Variants in SAMD3 observed in about 807,000 individuals in gnomAD.
SAMD3 encodes the protein sterile alpha motif domain-containing protein 3.
SAMD3 carries 63 observed loss-of-function variants against 58.5 expected under a neutral mutation model. The ratio of observed to expected loss-of-function variants is 1.08; its 90% CI spans 0.88 to 1.33. The LOEUF (loss-of-function observed/expected upper bound fraction) is 1.33. Ranked by LOEUF, SAMD3 falls within the 40% of genes most tolerant of loss-of-function variation. The pLI is 0.00. For synonymous variants in SAMD3, 220 were observed against 210.3 expected (o/e 1.05, Z -0.40); for missense variants, 604 against 608.4 (o/e 0.99, Z 0.08).
intron 8 of SAMD3, among the ~76,000 whole-genome samples, chr6:130,172,913 C>T (rs1791377253): frequency 6.6e-6 from 1 of 152,132 alleles, no homozygotes; most frequent in Admixed American, 6.5e-5. Context: ...CATTTTCATT[C>T]TTTTTTCTCT....
intron 2 of SAMD3, among the ~76,000 whole-genome samples, chr6:130,261,813 G>A (rs1037689784): frequency 1.3e-5 from 2 of 152,126 alleles, no homozygotes; most frequent in Admixed American, 6.5e-5. Flanking sequence ...TTGTTTCAAA[G>A]GTATGGCACA....
chr6:130,253,435 T>C (rs1216200280), intron 2 of SAMD3, among the ~76,000 whole-genome samples: 2 of 152,212 alleles, frequency 1.3e-5, no homozygotes, highest in Non-Finnish European at 1.5e-5. Context: ...TATGATAATA[T>C]CTTTAATTCT....
intron 9 of SAMD3, among the ~76,000 whole-genome samples, chr6:130,150,969 C>A (rs1789114223): frequency 6.6e-6 from 1 of 152,180 alleles, no homozygotes; most frequent in African/African-American, 2.4e-5. Context: ...GCCTCAGCCT[C>A]CCAAAGTGTT....
chr6:130,193,206 C>A (rs1255532477), intron 5 of SAMD3, among the ~76,000 whole-genome samples: 1 of 149,074 alleles, frequency 6.7e-6, no homozygotes, highest in Non-Finnish European at 1.5e-5. Flanking sequence ...TACCCCAACC[C>A]CTTCTCTCCA....
chr6:130,177,678 G>A (rs960266555), intron 7 of SAMD3, among the ~76,000 whole-genome samples: 5 of 152,028 alleles, frequency 3.3e-5, no homozygotes, highest in Non-Finnish European at 7.4e-5. Context: ...GTGATACTTT[G>A]TCTGTTTCTA....
chr6:130,324,786 G>T (rs374863511), intron 1 of SAMD3, among the ~76,000 whole-genome samples: 2,781 of 131,500 alleles, frequency 0.021, 23 homozygotes, highest in Non-Finnish European at 0.029. Context: ...TTTTTTTTTT[G>T]GAATAGAAAA....
chr6:130,228,720 A>G (rs1796456098), intron 2 of SAMD3, among the ~76,000 whole-genome samples: 1 of 152,198 alleles, frequency 6.6e-6, no homozygotes, highest in Non-Finnish European at 1.5e-5. Flanking sequence ...CTTCAACTGC[A>G]TGCAATGGAC....
chr6:130,232,047 A>G (rs1796563208), intron 2 of SAMD3, among the ~76,000 whole-genome samples: 1 of 152,150 alleles, frequency 6.6e-6, no homozygotes, highest in Non-Finnish European at 1.5e-5. Context: ...AAATGGCCAC[A>G]TGTGGCTACT....
chr6:130,167,105 C>A (rs1357701962), intron 8 of SAMD3, among the ~76,000 whole-genome samples: 2 of 151,944 alleles, frequency 1.3e-5, no homozygotes, highest in Admixed American at 1.3e-4. Flanking sequence ...CAAGAGTACT[C>A]TATAATGGTT....
At chr6:130,192,152 A>T (rs1793606928) in intron 5 of SAMD3, among the ~76,000 whole-genome samples, 2 of 152,172 alleles carry the variant, frequency 1.3e-5, no homozygotes, top group South Asian at 4.1e-4. Context: ...TGATTTTCCT[A>T]CGTCCTTGTT....
chr6:130,220,443 A>T (rs1005026249), intron 1 of SAMD3, among the ~76,000 whole-genome samples: 1 of 152,184 alleles, frequency 6.6e-6, no homozygotes, highest in Non-Finnish European at 1.5e-5. Flanking sequence ...CTTTGAGTCA[A>T]ACTTATGGTT....
chr6:130,255,647 C>T (rs1217350057), intron 2 of SAMD3, among the ~76,000 whole-genome samples: 1 of 151,926 alleles, frequency 6.6e-6, no homozygotes, highest in African/African-American at 2.4e-5. Context: ...ATTACATATT[C>T]TATTTTTTTA....
At chr6:130,350,122 A>T (rs955257795) in intron 1 of SAMD3, among the ~76,000 whole-genome samples, 1 of 152,212 alleles carries the variant, frequency 6.6e-6, no homozygotes, top group African/African-American at 2.4e-5. Context: ...ATCATACTGA[A>T]TGGACAAAAA....
intron 5 of SAMD3, among the ~76,000 whole-genome samples, chr6:130,208,514 G>A (rs140564491): frequency 1.4e-3 from 210 of 152,134 alleles, no homozygotes; most frequent in African/African-American, 4.9e-3. Context: ...CCTGAGCTCC[G>A]CCTCCTGAGA....
chr6:130,188,555 T>C (rs1012066599), intron 5 of SAMD3, among the ~76,000 whole-genome samples: 3 of 152,176 alleles, frequency 2.0e-5, no homozygotes, highest in Non-Finnish European at 4.4e-5. Context: ...GGCTCCCCAT[T>C]TATGCTCCAG....
At chr6:130,226,652 C>A (rs1796389279), upstream of SAMD3, among the ~76,000 whole-genome samples, 1 of 152,100 alleles carries the variant, frequency 6.6e-6, no homozygotes, top group Admixed American at 6.6e-5. Flanking sequence ...CATGGTGAAA[C>A]CCCGTCTCTA....
At chr6:130,283,496 A>G (rs982451771) in intron 2 of SAMD3, among the ~76,000 whole-genome samples, 1 of 152,258 alleles carries the variant, frequency 6.6e-6, no homozygotes, top group Non-Finnish European at 1.5e-5. Flanking sequence ...CTAGAAGGCA[A>G]TCAGCGAGAA....
At chr6:130,302,704 A>T (rs1201027240) in intron 2 of SAMD3, among the ~76,000 whole-genome samples, 1 of 152,222 alleles carries the variant, frequency 6.6e-6, no homozygotes, top group Non-Finnish European at 1.5e-5. Context: ...TGGGTTCGAC[A>T]AGGAAAATGT....
chr6:130,252,451 G>A (rs1250979109), intron 2 of SAMD3, among the ~76,000 whole-genome samples: 3 of 151,724 alleles, frequency 2.0e-5, no homozygotes, highest in Non-Finnish European at 4.4e-5. Context: ...CAAAACTTTA[G>A]TTTAATTACA....
Sources: allele counts gnomAD v4.1 joint callset (sites outside exome capture counted in the v4.1 genomes callset), GRCh38; gene constraint gnomAD v4.1.1; transcripts MANE v1.5; gene names NCBI Gene and HGNC (gene_info 2026-07-23, HGNC 2026-07-21).